PSMC2: variants seen among roughly 807,000 people sequenced by gnomAD.
PSMC2 encodes 26S proteasome regulatory subunit 7.
PSMC2 carries 7 observed loss-of-function variants against 53.3 expected under a neutral mutation model. The ratio of observed to expected loss-of-function variants is 0.13; its 90% CI spans 0.07 to 0.25. The LOEUF is 0.25. Among genes scored for constraint, PSMC2 ranks in the 10% least tolerant of loss-of-function variants. The pLI is 1.00. For missense variants in PSMC2, 241 were observed against 544.0 expected, an observed-to-expected ratio of 0.44 and a Z score of 5.54; for synonymous variants, 169 against 183.9, an observed-to-expected ratio of 0.92 and a Z score of 0.66.
chr7:103,366,387 A>G (rs890756845), intron 9 of PSMC2, among the ~76,000 whole-genome samples: 4 of 152,216 alleles, frequency 2.6e-5, no homozygotes, highest in East Asian at 1.9e-4. Flanking sequence ...TTTTTGTGCT[A>G]TGGGTTGAAT....
chr7:103,366,905 A>G (rs1274916123), intron 9 of PSMC2, among the ~76,000 whole-genome samples: 2 of 152,098 alleles, frequency 1.3e-5, no homozygotes, highest in African/African-American at 4.8e-5. Flanking sequence ...CCTGGGTTCA[A>G]GCAATTCTCA....
chr7:103,360,841 A>G (rs937553231), intron 4 of PSMC2, among the ~76,000 whole-genome samples: 1 of 152,184 alleles, frequency 6.6e-6, no homozygotes, highest in Non-Finnish European at 1.5e-5. Context: ...GCCGGGTGCA[A>G]TGGCTCACGC....
rs539271805 is a variant in PSMC2 at position 103,365,565 on chromosome 7, G to A, written c.757-511G>A. ...AATCGCTTGAACCCAGAAGGCGAAG[G>A]TTGCACTGAGCCAAGATCGTGCCAT... On this transcript the variant is annotated intron_variant, in intron 8 of 11. Transcript: ENST00000292644. Among the ~76,000 whole-genome samples the A allele has an allele frequency of 3.9e-5, 6 of 152,164 alleles. No individual in the cohort carries two copies. In the East Asian group the frequency reaches 1.2e-3, roughly 29 times the overall value.
chr7:103,363,566 G>T, intron 7 of PSMC2, 127 bp downstream of exon 7: 1 of 787,764 alleles, frequency 1.3e-6, no homozygotes, highest in Non-Finnish European at 2.1e-6. Context: ...TTGAGAGGGT[G>T]GAGAGAGGAG....
chr7:103,353,681 A>G (rs929834795), intron 1 of PSMC2, among the ~76,000 whole-genome samples: 20 of 152,238 alleles, frequency 1.3e-4, no homozygotes, highest in African/African-American at 4.8e-4. Context: ...TGTATGTACT[A>G]TATAAAATAG....
intron 4 of PSMC2, among the ~76,000 whole-genome samples, chr7:103,359,384 A>C (rs905215760): frequency 1.3e-5 from 2 of 151,958 alleles, no homozygotes; most frequent in African/African-American, 4.8e-5. Flanking sequence ...CAATTTAGTG[A>C]TTTTTAGAAT....
chr7:103,358,565 TG>T (rs1025584096), intron 4 of PSMC2, among the ~76,000 whole-genome samples: 2 of 152,098 alleles, frequency 1.3e-5, no homozygotes, highest in Non-Finnish European at 2.9e-5. Flanking sequence ...TTTCTGTTGA[TG>T]TTTTTTTCCT....
intron 8 of PSMC2, 124 bp from the exon 9 acceptor site, chr7:103,365,952 T>G: frequency 1.3e-6 from 1 of 748,006 alleles, no homozygotes; most frequent in Admixed American, 3.0e-5. Flanking sequence ...ATAAAAAACG[T>G]TTAGGTAATA....
Position 103,364,266 on chromosome 7 carries a change from C to G in PSMC2, c.715C>G (p.Arg239Gly). The G allele has an allele frequency of 6.2e-7, 1 of 1,614,072 alleles. No individual in the cohort carries two copies. The highest frequency in any genetic ancestry group is 8.5e-7 in the Non-Finnish European group (1 of 1,180,010). The change falls in exon 8 of 12, where the codon CGA becomes GGA. Residue 239 changes from arginine (R) to glycine (G), a missense_variant. Arg to Gly is a moderately radical substitution (Grantham distance 125, BLOSUM62 -2). Transcript: ENST00000292644. ...VANRTDACFI[R>G]VIGSELVQKY... ...TAATCGGACTGATGCGTGCTTCATT[C>G]GAGTTATTGGATCTGAGCTTGTACA...
rs184165831 is a variant in PSMC2, at chr7:103,362,579, C to T, written c.423-107C>T. On this transcript the variant is annotated intron_variant, in intron 5 of 11. Transcript: ENST00000292644. ...CTCTTTATATAATTAGGGACTCTGT[C>T]TCTCTCTTGTTTTCTTAAAGTATGG... is the stretch of plus-strand genomic sequence containing the variant. 2.8e-6 allele frequency: 4 copies of T among 1,436,976 alleles called. No homozygotes were observed. In the African/African-American group the frequency reaches 4.3e-5, roughly 16 times the overall value. 89.0% of individuals were successfully genotyped at this position (1,436,976 alleles called of 1,614,324 possible). A position where few individuals can be genotyped will look rare whatever the true frequency, so the allele number is the denominator to read the frequency against.
intron 1 of PSMC2, 112 bp from the exon 2 acceptor site, chr7:103,353,809 G>T: frequency 1.1e-6 from 1 of 870,014 alleles, no homozygotes; most frequent in South Asian, 1.5e-5. Flanking sequence ...CTTGATTTTT[G>T]ACACTCACTT....
At chr7:103,351,410 A>G (rs1347342764) in intron 1 of PSMC2, among the ~76,000 whole-genome samples, 1 of 152,242 alleles carries the variant, frequency 6.6e-6, no homozygotes, top group Non-Finnish European at 1.5e-5. Flanking sequence ...ACAGGTAGTG[A>G]CAATATGTGT....
chr7:103,368,191 A>C lies in PSMC2; in HGVS notation c.*137A>C. On this transcript the variant is annotated 3_prime_UTR_variant, in exon 12 of 12. Coordinates refer to ENST00000292644, the MANE Select transcript of PSMC2 (RefSeq NM_002803.4). The stretch of plus-strand genomic sequence containing the variant: ...CATATCTCTTCTTGTAATATAATAA[A>C]AGGTGATTTCTAATGTTATTAGGCA... 2.5e-6 allele frequency: 2 copies of C among 799,018 alleles called. No homozygotes were observed. Among genetic ancestry groups the C allele is most frequent in the Non-Finnish European group, 3.8e-6 (2 of 533,040 alleles). 49.5% of individuals were successfully genotyped at this position (799,018 alleles called of 1,614,324 possible). A position where few individuals can be genotyped will look rare whatever the true frequency, so the allele number is the denominator to read the frequency against.
intron 4 of PSMC2, among the ~76,000 whole-genome samples, chr7:103,361,128 G>GA (rs367989398): frequency 1.7e-4 from 24 of 144,632 alleles, no homozygotes; most frequent in African/African-American, 4.8e-4. Context: ...AAAAGAAAAA[G>GA]AAAAAAAAAC....
intron 4 of PSMC2, among the ~76,000 whole-genome samples, chr7:103,359,210 C>T (rs1430823982): frequency 8.0e-6 from 1 of 124,920 alleles, no homozygotes; most frequent in Non-Finnish European, 1.6e-5. Flanking sequence ...GTTGCCTGGG[C>T]TGCTCTTGAA....
chr7:103,363,013 C>A (rs992513522), intron 6 of PSMC2, among the ~76,000 whole-genome samples: 1 of 152,102 alleles, frequency 6.6e-6, no homozygotes, highest in Non-Finnish European at 1.5e-5. Flanking sequence ...AGACTGGTTT[C>A]GAACTCATGA....
intron 8 of PSMC2, 122 bp downstream of exon 8, chr7:103,364,429 G>A: frequency 8.9e-7 from 1 of 1,121,862 alleles, no homozygotes; most frequent in Non-Finnish European, 1.3e-6. Flanking sequence ...CTTTTGTTGA[G>A]ACAGAGTCTC....
intron 8 of PSMC2, among the ~76,000 whole-genome samples, 199 bp downstream of exon 8, chr7:103,364,506 C>T (rs1820587184): frequency 1.3e-5 from 2 of 152,114 alleles, no homozygotes; most frequent in Admixed American, 1.3e-4. Flanking sequence ...CCTCTCTGGG[C>T]TTAGGCGATC....
At chr7:103,359,273 C>T (rs1214261286) in intron 4 of PSMC2, among the ~76,000 whole-genome samples, 3 of 147,282 alleles carry the variant, frequency 2.0e-5, no homozygotes, top group African/African-American at 7.5e-5. Context: ...TCTGGGATTA[C>T]AGGTGTGAGC....
Sources: gnomAD v4.1 joint callset for allele counts (sites outside exome capture counted in the v4.1 genomes callset) on GRCh38, gnomAD v4.1.1 for gene constraint, MANE v1.5 for transcripts, NCBI Gene and HGNC (gene_info 2026-07-23, HGNC 2026-07-21) for gene names.